The following UTRN variants were observed in gnomAD, a reference collection of about 807,000 sequenced individuals.
UTRN encodes the protein utrophin, also known as dystrophin-related protein 1.
Under a neutral mutation model 463.9 loss-of-function variants are expected in UTRN, and 283 were observed. That is an observed-to-expected ratio of 0.61 (90% CI 0.55 to 0.67). UTRN has a LOEUF of 0.67. Ranked by LOEUF, UTRN falls within the 30% of genes least tolerant of loss-of-function variation. UTRN has a pLI of 0.00. For synonymous variants in UTRN, 1,442 were observed against 1,431.5 expected (o/e 1.01, Z -0.17); for missense variants, 3,922 against 4,084.3 (o/e 0.96, Z 1.08).
chr6:144,786,518 T>G (rs1159314171), intron 61 of UTRN, among the ~76,000 whole-genome samples: 1 of 152,078 alleles, frequency 6.6e-6, no homozygotes. Flanking sequence ...TTTCCTGACC[T>G]CGTGATCCAC....
intron 2 of UTRN, among the ~76,000 whole-genome samples, chr6:144,337,996 C>A (rs1336796766): frequency 6.6e-6 from 1 of 152,164 alleles, no homozygotes; most frequent in Non-Finnish European, 1.5e-5. Flanking sequence ...TAATGTCATT[C>A]AATCCCATTA....
chr6:144,452,801 G>C (rs1055271954), intron 18 of UTRN, among the ~76,000 whole-genome samples: 3 of 151,726 alleles, frequency 2.0e-5, no homozygotes, highest in Middle Eastern at 3.2e-3. Context: ...AAAATTTGTG[G>C]GGCGTGAGCT....
At chr6:144,589,964 G>T (rs576596664) in intron 51 of UTRN, among the ~76,000 whole-genome samples, 1 of 151,370 alleles carries the variant, frequency 6.6e-6, no homozygotes, top group Non-Finnish European at 1.5e-5. Context: ...CTATCCTCCC[G>T]CCTCAGCCTC....
intron 51 of UTRN, among the ~76,000 whole-genome samples, chr6:144,600,862 A>G (rs1804172729): frequency 6.6e-6 from 1 of 152,208 alleles, no homozygotes; most frequent in Admixed American, 6.5e-5. Context: ...TCAAATGACA[A>G]GACTGTCTTG....
intron 14 of UTRN, among the ~76,000 whole-genome samples, chr6:144,446,484 T>G (rs533698220): frequency 4.3e-4 from 66 of 152,344 alleles, no homozygotes; most frequent in Middle Eastern, 3.4e-3. Context: ...CCCTACTAAA[T>G]AGAAAAGGGT....
At chr6:144,747,662 A>G (rs970320978) in intron 54 of UTRN, among the ~76,000 whole-genome samples, 1 of 152,188 alleles carries the variant, frequency 6.6e-6, no homozygotes, top group Non-Finnish European at 1.5e-5. Context: ...AAATCTTGCT[A>G]TCTTCCTGCT....
chr6:144,451,898 T>C (rs899589800), intron 18 of UTRN, among the ~76,000 whole-genome samples: 3 of 152,212 alleles, frequency 2.0e-5, no homozygotes, highest in Non-Finnish European at 2.9e-5. Context: ...ATTCAATATA[T>C]TTTCTTTAGA....
intron 65 of UTRN, among the ~76,000 whole-genome samples, chr6:144,808,781 CT>C (rs1248918200): frequency 6.6e-6 from 1 of 151,718 alleles, no homozygotes; most frequent in Non-Finnish European, 1.5e-5. Context: ...ATTTGTCTTT[CT>C]GTATCTGGGT....
chr6:144,577,740 A>G (rs978824634), intron 51 of UTRN, among the ~76,000 whole-genome samples: 3 of 152,232 alleles, frequency 2.0e-5, no homozygotes, highest in African/African-American at 7.2e-5. Context: ...CATTAGCTTG[A>G]TAACTGTGAT....
At chr6:144,674,327 G>A (rs1451464518) in intron 51 of UTRN, among the ~76,000 whole-genome samples, 2 of 150,938 alleles carry the variant, frequency 1.3e-5, no homozygotes, top group Non-Finnish European at 3.0e-5. Flanking sequence ...ATTTCTTGGA[G>A]GCTGTTTTTT....
rs11397588 is a variant in UTRN at position 144,819,911 on chromosome 6, C to CCTCCTCCTCCTCCTGT, written c.9358-968_9358-967insCTCCTCCTCCTGTCTC. ...TCCTCCTCCTCCTCCTCCTCCTCCT[C>CCTCCTCCTCCTCCTGT]CTCTCTCTCTCTCTCTCTCTCTTTC... is the stretch of plus-strand genomic sequence containing the variant. On this transcript the variant is annotated intron_variant, in intron 65 of 74. Transcript: ENST00000367545. 5.4e-4 allele frequency among the ~76,000 whole-genome samples: 64 copies of CCTCCTCCTCCTCCTGT among 118,626 alleles called. No individual in the cohort carries two copies. In the Middle Eastern group the frequency reaches 0.017, roughly 32 times the overall value. The allele number at this position is 118,626 out of a possible 152,430, so 77.8% of individuals were successfully genotyped here.
At chr6:144,790,952 A>T (rs1776706882) in intron 62 of UTRN, among the ~76,000 whole-genome samples, 1 of 152,206 alleles carries the variant, frequency 6.6e-6, no homozygotes, top group South Asian at 2.1e-4. Flanking sequence ...AGATTTTGGC[A>T]GGGGAAGCAG....
intron 25 of UTRN, among the ~76,000 whole-genome samples, chr6:144,476,811 G>A (rs1450601157): frequency 6.6e-6 from 1 of 152,166 alleles, no homozygotes; most frequent in Non-Finnish European, 1.5e-5. Flanking sequence ...AGTCATAGTG[G>A]ATAGTTCGAG....
At chr6:144,672,357 T>A (rs936193433) in intron 51 of UTRN, among the ~76,000 whole-genome samples, 2 of 151,918 alleles carry the variant, frequency 1.3e-5, no homozygotes, top group Non-Finnish European at 2.9e-5. Flanking sequence ...CTATTCCGAG[T>A]TTCTCTTTCT....
At chr6:144,660,037 G>A (rs1012035372) in intron 51 of UTRN, 1 of 351,754 alleles carries the variant, frequency 2.8e-6, no homozygotes, top group South Asian at 2.3e-5. Context: ...ACCCACAGTG[G>A]GGTGGCTAAA....
chr6:144,395,779 C>A (rs58231767), intron 2 of UTRN, among the ~76,000 whole-genome samples: 20,369 of 152,092 alleles, frequency 0.13, 1,520 homozygotes, highest in Admixed American at 0.21. Context: ...AGAAAGTCTT[C>A]AGGAGGTGTC....
intron 53 of UTRN, among the ~76,000 whole-genome samples, chr6:144,720,586 G>T (rs1474345223): frequency 6.6e-6 from 1 of 152,200 alleles, no homozygotes; most frequent in Non-Finnish European, 1.5e-5. Context: ...TCATTAATCT[G>T]CCATTTCACG....
At chr6:144,297,906 G>A (rs1177161614) in intron 2 of UTRN, among the ~76,000 whole-genome samples, 3 of 152,298 alleles carry the variant, frequency 2.0e-5, no homozygotes, top group East Asian at 3.9e-4. Flanking sequence ...AAGGAAGTAC[G>A]TTAATTATAT....
chr6:144,447,636 C>T lies in UTRN; in HGVS notation c.1757C>T (p.Thr586Ile). 1 of 1,613,606 alleles carries T rather than the reference C, an allele frequency of 6.2e-7. No individual in the cohort carries two copies. The highest frequency in any genetic ancestry group is 8.5e-7 in the Non-Finnish European group (1 of 1,179,834). Residue 586 changes from threonine (T) to isoleucine (I), a missense_variant, in exon 16 of 75, where the codon ACA becomes ATA. Transcript: ENST00000367545. The part of the protein sequence containing the change: ...LKEDMEMKRQ[T>I]LDQLSEIGQD... ...GAAGACATGGAAATGAAGCGTCAAA[C>T]ATTGGATCAGCTGAGTGAGATTGGC...
Sources: allele counts gnomAD v4.1 joint callset (sites outside exome capture counted in the v4.1 genomes callset), GRCh38; gene constraint gnomAD v4.1.1; transcripts MANE v1.5; gene names NCBI Gene and HGNC (gene_info 2026-07-23, HGNC 2026-07-21).